The following RMND1 variants were observed in gnomAD, a reference collection of about 807,000 sequenced individuals.
The protein encoded by RMND1 is required for meiotic nuclear division 1 homolog.
Under a neutral mutation model 54.0 loss-of-function variants are expected in RMND1, and 41 were observed. The ratio of observed to expected loss-of-function variants is 0.76; its 90% CI spans 0.59 to 0.98. The LOEUF is 0.98. Ranked by LOEUF, RMND1 falls within the 50% of genes least tolerant of loss-of-function variation. RMND1 has a pLI of 0.00. For missense variants in RMND1, 457 were observed against 532.0 expected (o/e 0.86, Z 1.39); for synonymous variants, 183 against 181.7 (o/e 1.01, Z -0.06).
intron 10 of RMND1, among the ~76,000 whole-genome samples, chr6:151,408,210 G>A (rs1158324268): frequency 6.6e-6 from 1 of 152,026 alleles, no homozygotes. Flanking sequence ...AAGAAGGTAA[G>A]TCAGCTGGGG....
intron 11 of RMND1, 133 bp from the exon 12 acceptor site, chr6:151,405,400 C>T (rs1779577776): frequency 1.3e-6 from 1 of 793,268 alleles, no homozygotes; most frequent in Admixed American, 2.4e-5. Context: ...ACGTGGCAAC[C>T]TATGAATTGG....
chr6:151,441,287 T>C (rs1246692448), intron 2 of RMND1, among the ~76,000 whole-genome samples: 1 of 152,240 alleles, frequency 6.6e-6, no homozygotes, highest in Non-Finnish European at 1.5e-5. Context: ...ATAATACATT[T>C]ACATTTGGTC....
At chr6:151,435,745 T>C (rs1479226979) in intron 3 of RMND1, among the ~76,000 whole-genome samples, 1 of 151,672 alleles carries the variant, frequency 6.6e-6, no homozygotes, top group Non-Finnish European at 1.5e-5. Context: ...AGTATTAGAT[T>C]GAGCTGGTAA....
chr6:151,408,129 T>G (rs1022392669), intron 10 of RMND1, among the ~76,000 whole-genome samples: 1 of 151,966 alleles, frequency 6.6e-6, no homozygotes, highest in African/African-American at 2.4e-5. Context: ...ATGTCAAGCA[T>G]AGGAAACAGC....
intron 5 of RMND1, 66 bp downstream of exon 5, chr6:151,430,072 T>G: frequency 4.1e-6 from 4 of 981,300 alleles, no homozygotes; most frequent in Non-Finnish European, 6.5e-6. Context: ...TTTCAGTATG[T>G]GCTAATTAAC....
chr6:151,413,716 T>C (rs1779922255), intron 10 of RMND1: 1 of 152,244 alleles, frequency 6.6e-6, no homozygotes, highest in South Asian at 2.1e-4. Flanking sequence ...CTTTTCATGT[T>C]TGACCAGACA....
At chr6:151,416,187 C>T (rs1009912614) in intron 10 of RMND1, among the ~76,000 whole-genome samples, 2 of 151,972 alleles carry the variant, frequency 1.3e-5, no homozygotes, top group South Asian at 4.1e-4. Flanking sequence ...CCATATTGGC[C>T]AGGCAGGTCT....
At chr6:151,408,762 T>C in intron 10 of RMND1, 1 of 152,312 alleles carries the variant, frequency 6.6e-6, no homozygotes, top group Non-Finnish European at 1.5e-5. Flanking sequence ...TCCACAGGCC[T>C]TTGCTAGATG....
intron 11 of RMND1, 111 bp downstream of exon 11, chr6:151,405,609 G>A (rs1373540323): frequency 1.5e-6 from 1 of 653,440 alleles, no homozygotes; most frequent in Non-Finnish European, 2.7e-6. Context: ...TGATAACAAA[G>A]TCAGCCTCTT....
chr6:151,432,774 AAAGAAAATGGC>A (rs1780484120), intron 4 of RMND1, among the ~76,000 whole-genome samples: 1 of 152,100 alleles, frequency 6.6e-6, no homozygotes, highest in South Asian at 2.1e-4. Context: ...GGGAGAAAAA[AAAGAAAATGGC>A]AAGAAGAGAC....
In RMND1 at chr6:151,405,139, G is replaced by A; in HGVS notation, c.*96C>T. The A allele has an allele frequency of 1.8e-6, 2 of 1,084,938 alleles. No individual in the cohort carries two copies. Among genetic ancestry groups the A allele is most frequent in the Admixed American group, 3.6e-5 (2 of 54,868 alleles). The allele number at this position is 1,084,938 out of a possible 1,614,324, so 67.2% of individuals were successfully genotyped here. A position where few individuals can be genotyped will look rare whatever the true frequency, so the allele number is the denominator to read the frequency against. On this transcript the variant is annotated 3_prime_UTR_variant, in exon 12 of 12. Coordinates refer to ENST00000444024, the MANE Select transcript of RMND1 (RefSeq NM_017909.4). Reference sequence around the variant, plus strand: ...CCCTTCTTGGCCTCCGAAAGTGCTGGGATTACAGGCATGAGGCACCGCGCC... The same window carrying A: ...CCCTTCTTGGCCTCCGAAAGTGCTGAGATTACAGGCATGAGGCACCGCGCC...
At chr6:151,411,918 G>A (rs908553665) in intron 10 of RMND1, 1 of 152,196 alleles carries the variant, frequency 6.6e-6, no homozygotes, top group Non-Finnish European at 1.5e-5. Context: ...AACCAATGTG[G>A]TAGGCAGATT....
At chr6:151,447,960 T>C (rs1781008578) in intron 1 of RMND1, among the ~76,000 whole-genome samples, 1 of 151,924 alleles carries the variant, frequency 6.6e-6, no homozygotes, top group Admixed American at 6.6e-5. Flanking sequence ...ATTACAGGTG[T>C]CTGCCACCAT....
At chr6:151,406,477 T>C (rs962699113) in intron 10 of RMND1, among the ~76,000 whole-genome samples, 1 of 152,086 alleles carries the variant, frequency 6.6e-6, no homozygotes, top group African/African-American at 2.4e-5. Context: ...TTCTCCTGCC[T>C]CAGCCTCCCA....
chr6:151,428,932 C>G (rs1233103185), intron 5 of RMND1, among the ~76,000 whole-genome samples: 1 of 152,136 alleles, frequency 6.6e-6, no homozygotes, highest in Non-Finnish European at 1.5e-5. Flanking sequence ...GGTTTATCAG[C>G]CTTTTACATC....
intron 9 of RMND1, among the ~76,000 whole-genome samples, chr6:151,418,880 C>A (rs1234879336): frequency 2.0e-5 from 3 of 151,622 alleles, no homozygotes; most frequent in Non-Finnish European, 4.4e-5. Context: ...AAGCAATTCT[C>A]CTGCCTCAGC....
chr6:151,424,967 G>C (rs904214859), intron 6 of RMND1, among the ~76,000 whole-genome samples: 1 of 152,160 alleles, frequency 6.6e-6, no homozygotes, highest in South Asian at 2.1e-4. Context: ...TTTTGAGACG[G>C]AGTCTTGCTC....
intron 10 of RMND1, among the ~76,000 whole-genome samples, chr6:151,413,361 C>T (rs564870905): frequency 6.6e-6 from 1 of 152,200 alleles, no homozygotes; most frequent in Non-Finnish European, 1.5e-5. Context: ...AAGTGATTCT[C>T]ATGCCTCAGC....
intron 1 of RMND1, chr6:151,446,073 TA>T (rs1780944666): frequency 9.9e-5 from 37 of 373,558 alleles, no homozygotes; most frequent in Middle Eastern, 8.0e-4. Context: ...ACAAGAACCT[TA>T]AAAAAAATAG....
Sources: allele counts gnomAD v4.1 joint callset (sites outside exome capture counted in the v4.1 genomes callset), GRCh38; gene constraint gnomAD v4.1.1; transcripts MANE v1.5; gene names NCBI Gene and HGNC (gene_info 2026-07-23, HGNC 2026-07-21).